Variants in HRNR observed in about 807,000 individuals in gnomAD.
HRNR encodes the protein filaggrin family member 3.
A neutral mutation model predicts 4.8 loss-of-function variants in HRNR; 7 were observed. The observed-to-expected ratio is 1.47, with a 90% CI of 0.83 to 2.75. HRNR has a LOEUF of 2.75. HRNR is among the 30% of genes most tolerant of loss of function. The pLI, the probability that HRNR is intolerant of heterozygous loss-of-function variation, is 0.00. For synonymous variants in HRNR, 1,023 were observed against 1,242.7 expected (o/e 0.82, Z 3.72); for missense variants, 2,879 against 3,010.4 (o/e 0.96, Z 1.02).
In HRNR at chr1:152,219,634, A is replaced by C. The variant is rs138421943; in HGVS notation, c.1995T>G (p.His665Gln). Residue 665 changes from histidine to glutamine, a missense_variant, in exon 3 of 3, where the codon CAT becomes CAG. His to Gln is a conservative substitution (Grantham distance 24, BLOSUM62 0). This residue lies in a region of HRNR where 2,646 missense variants were observed against 1,377.7 expected (regional missense o/e 1.92). Transcript: ENST00000368801. Reference protein sequence around the residue: ...GSGQSPSRGRHGSDFGHSSSY... With the variant: ...GSGQSPSRGRQGSDFGHSSSY... Reference sequence around the variant, plus strand: ...TGGAAGAGTGCCCAAAATCGGACCCATGTCGGCCGCGACTAGGAGACTGGC... The same window carrying C: ...TGGAAGAGTGCCCAAAATCGGACCCCTGTCGGCCGCGACTAGGAGACTGGC... The C allele has an allele frequency of 3.3e-3, 5,399 of 1,612,180 alleles. 160 individuals are homozygous for C. The African/African-American group carries it at 0.065, about 19-fold the overall frequency.
At chr1:152,222,558 G>A (rs4845425) in intron 2 of HRNR, among the ~76,000 whole-genome samples, 71,686 of 151,922 alleles carry the variant, frequency 0.47, 19,115 homozygotes, top group Non-Finnish European at 0.62. Flanking sequence ...ATGACACCAG[G>A]TTTTTGCTTT....
In HRNR at chr1:152,220,022, C is replaced by A. The variant is rs748726021; in HGVS notation, c.1607G>T (p.Gly536Val). 6.2e-7 allele frequency: 1 copy of A among 1,614,012 alleles called. No homozygotes were observed. Among genetic ancestry groups the A allele is most frequent in the Non-Finnish European group, 8.5e-7 (1 of 1,179,992 alleles). The change falls in exon 3 of 3, where the codon GGA (glycine) becomes GTA (valine). Residue 536 changes from glycine to valine, a missense_variant. This residue lies in a region of HRNR where 2,646 missense variants were observed against 1,377.7 expected (regional missense o/e 1.92). Coordinates refer to ENST00000368801, the MANE Select transcript of HRNR (RefSeq NM_001009931.3). ...GCTAGGGCTAGGAGACTGGCCAGAT[C>A]CAGACCCATGTCGGCTGTGTCCCAA... Reference protein sequence around the residue: ...QSLGHSRHGSGSGQSPSPSRG... With the variant: ...QSLGHSRHGSVSGQSPSPSRG...
In HRNR at chr1:152,220,521, G is replaced by A; in HGVS notation, c.1108C>T (p.His370Tyr). 1 of 1,612,232 alleles carries A rather than the reference G, an allele frequency of 6.2e-7. No homozygotes were observed. Among genetic ancestry groups the A allele is most frequent in the South Asian group, 1.1e-5 (1 of 90,888 alleles). Residue 370 changes from histidine (H) to tyrosine (Y), a missense_variant, in exon 3 of 3, where the codon CAC becomes TAC. By Grantham distance (83) the His-to-Tyr change is moderately conservative (BLOSUM62 2). Transcript: ENST00000368801. ...GYSKHGSGSG[H>Y]SSSQGQHGST... is the part of the protein sequence containing the mutation. ...CCATGTTGTCCCTGGCTAGAGGAGT[G>A]ACCTGAGCCAGAACCATGCTTACTA... is the stretch of plus-strand genomic sequence containing the variant.
Position 152,220,451 on chromosome 1 carries a change from C to A in HRNR, c.1178G>T (p.Ser393Ile), listed in dbSNP as rs147288664. The A allele has an allele frequency of 4.1e-5, 66 of 1,613,776 alleles. No homozygotes were observed. Among genetic ancestry groups the A allele is most frequent in the Non-Finnish European group, 5.3e-5 (62 of 1,179,948 alleles). Residue 393 changes from serine (S) to isoleucine (I), a missense_variant, in exon 3 of 3, where the codon AGC (serine) becomes ATC (isoleucine). By Grantham distance (142) the Ser-to-Ile change is moderately radical. Transcript: ENST00000368801. ...ACCATAGCTGGAAGACTGACGTGAG[C>A]TGGAGCCATGTTGGCCAGAGCTTGA... ...QASSSGQHGSSSRQSSSYGQH... is the reference protein window; with the variant it reads ...QASSSGQHGSISRQSSSYGQH...
At position 152,219,938 on chromosome 1, in the gene HRNR, C is replaced by T; in HGVS notation, c.1691G>A (p.Gly564Asp). 6.8e-6 allele frequency: 11 copies of T among 1,613,002 alleles called. No homozygotes were observed. The highest frequency in any genetic ancestry group is 9.3e-6 in the Non-Finnish European group (11 of 1,179,534). ...GCCACGGCTTGAAGACCTCCCTGAGCCATACCCATGTGGGCCATAGCTGGA... is the reference window on the plus strand; with the variant it reads ...GCCACGGCTTGAAGACCTCCCTGAGTCATACCCATGTGGGCCATAGCTGGA... ...QSSSYGPHGY[G>D]SGRSSSRGPY... Residue 564 changes from glycine (G) to aspartate (D), a missense_variant, in exon 3 of 3, where the codon GGC becomes GAC. By Grantham distance (94) the Gly-to-Asp change is moderately conservative. Around this residue, in one of 8 missense-constraint regions of HRNR, gnomAD observed 2,646 missense variants for 1,377.7 expected, o/e 1.92. Coordinates refer to ENST00000368801, the MANE Select transcript of HRNR (RefSeq NM_001009931.3).
Position 152,220,965 on chromosome 1 carries a change from C to T in HRNR, c.664G>A (p.Gly222Arg), listed in dbSNP as rs760633717. Reference sequence around the variant, plus strand: ...CCAGAAGACTGGCCTGAGCCAGACCCATGTGTGTCATTGCTGGAAGACTGT... The same window carrying T: ...CCAGAAGACTGGCCTGAGCCAGACCTATGTGTGTCATTGCTGGAAGACTGT... ...SGQSSSNDTHGSGSGQSSGFS... is the reference protein window; with the variant it reads ...SGQSSSNDTHRSGSGQSSGFS... Residue 222 changes from glycine (G) to arginine (R), a missense_variant, in exon 3 of 3, where the codon GGG becomes AGG. Gly to Arg is a moderately radical substitution (Grantham distance 125, BLOSUM62 -2). Around this residue, in one of 8 missense-constraint regions of HRNR, gnomAD observed 2,646 missense variants for 1,377.7 expected, o/e 1.92. Transcript: ENST00000368801. 1 of 1,614,190 alleles carries T rather than the reference C, an allele frequency of 6.2e-7. No individual in the cohort carries two copies. Among genetic ancestry groups the T allele is most frequent in the Non-Finnish European group, 8.5e-7 (1 of 1,180,030 alleles).
chr1:152,219,331 G>T lies in HRNR; in HGVS notation c.2298C>A (p.Gly766=), dbSNP rs753481535. Residue 766 remains glycine (G), a synonymous_variant, in exon 3 of 3, where the codon GGC becomes GGA. Coordinates refer to ENST00000368801, the MANE Select transcript of HRNR (RefSeq NM_001009931.3). ...AGTGGCCAGATCCAGACCCTTGTCG[G>T]CCGTGGCCCGAAGATTGATGGGAGC... is the stretch of plus-strand genomic sequence containing the variant. ...GSGSHQSSGH[G]RQGSGSGHSP... 2 of 1,613,756 alleles carry T rather than the reference G, an allele frequency of 1.2e-6. No homozygotes were observed. Among genetic ancestry groups the T allele is most frequent in the Admixed American group, 1.7e-5 (1 of 59,980 alleles).
chr1:152,219,797 C>T lies in HRNR; in HGVS notation c.1832G>A (p.Gly611Glu), dbSNP rs1648873402. ...GSSSGHSSTH[G>E]QHGSTSGQSS... ...CTGTCCTGATGTAGAACCATGTTGC[C>T]CATGGGTAGAGGAATGACCCGAGCT... The change falls in exon 3 of 3, where the codon GGG (glycine) becomes GAG (glutamate). Residue 611 changes from glycine to glutamate, a missense_variant. Gly to Glu is a moderately conservative substitution (Grantham distance 98). Around this residue, in one of 8 missense-constraint regions of HRNR, gnomAD observed 2,646 missense variants for 1,377.7 expected, o/e 1.92. Transcript: ENST00000368801. 1 of 1,612,110 alleles carries T rather than the reference C, an allele frequency of 6.2e-7. No homozygotes were observed. The highest frequency in any genetic ancestry group is 8.5e-7 in the Non-Finnish European group (1 of 1,178,730).
rs1010127920 is a variant in HRNR at position 152,220,399 on chromosome 1, A to C, written c.1230T>G (p.Ser410=). 2 of 1,613,930 alleles carry C rather than the reference A, an allele frequency of 1.2e-6. No individual in the cohort carries two copies. Among genetic ancestry groups the C allele is most frequent in the African/African-American group, 1.3e-5 (1 of 74,876 alleles). ...YGQHESASRH[S]SGRGQHSSGS... is the part of the protein sequence containing the mutation. ...CAGAGCTGTGTTGGCCGCGGCCTGA[A>C]GAGTGACGGGAGGCAGACTCATGCT... Residue 410 remains serine, a synonymous_variant, in exon 3 of 3, where the codon TCT becomes TCG. Coordinates refer to ENST00000368801, the MANE Select transcript of HRNR (RefSeq NM_001009931.3).
rs6587653 is a variant in HRNR, at chr1:152,221,071, G to A, written c.558C>T (p.Ser186=). The A allele has an allele frequency of 0.99, 1,600,888 of 1,614,098 alleles. 794,774 individuals are homozygous for A. Among genetic ancestry groups the A allele is most frequent in the East Asian group, 1 (44,878 of 44,878 alleles). Residue 186 remains serine, a synonymous_variant, in exon 3 of 3, where the codon TCC becomes TCT. Coordinates refer to ENST00000368801, the MANE Select transcript of HRNR (RefSeq NM_001009931.3). ...ATTGGCCGCGGCCTGAAGACTGATG[G>A]GAGTCGGAGTTTTGCTCACCATAGC... ...SSSYGEQNSD[S]HQSSGRGQCG...
intron 2 of HRNR, among the ~76,000 whole-genome samples, chr1:152,221,724 A>T (rs1649009581): frequency 6.6e-6 from 1 of 152,222 alleles, no homozygotes; most frequent in Non-Finnish European, 1.5e-5. Flanking sequence ...ATGAAAGGAA[A>T]CAAGAGGGCT....
At position 152,219,634 on chromosome 1, in the gene HRNR, A is replaced by G. The variant is rs138421943; in HGVS notation, c.1995T>C (p.His665=). The G allele has an allele frequency of 7.4e-6, 12 of 1,612,076 alleles. No individual in the cohort carries two copies. The highest frequency in any genetic ancestry group is 1.0e-5 in the Non-Finnish European group (12 of 1,178,858). The change falls in exon 3 of 3, where the codon CAT becomes CAC. Residue 665 remains histidine (H), a synonymous_variant. Transcript: ENST00000368801. ...TGGAAGAGTGCCCAAAATCGGACCC[A>G]TGTCGGCCGCGACTAGGAGACTGGC... ...GSGQSPSRGR[H]GSDFGHSSSY... is the part of the protein sequence containing the mutation.
chr1:152,220,256 C>T lies in HRNR; in HGVS notation c.1373G>A (p.Gly458Asp), dbSNP rs534438543. The stretch of plus-strand genomic sequence containing the variant: ...ACCAAAGCCAGAAGAGTAGCCTGAA[C>T]CAGACACATATGGGCCACTGCTGGA... ...RSSSSGPYVS[G>D]SGYSSGFGHH... Residue 458 changes from glycine (G) to aspartate (D), a missense_variant, in exon 3 of 3, where the codon GGT (glycine) becomes GAT (aspartate). Physicochemically the swap from Gly to Asp is moderately conservative, Grantham distance 94 (BLOSUM62 -1). Transcript: ENST00000368801. 3.1e-5 allele frequency: 50 copies of T among 1,613,786 alleles called. No homozygotes were observed. Among genetic ancestry groups the T allele is most frequent in the South Asian group, 4.4e-5 (4 of 91,078 alleles).
chr1:152,212,873 C>A lies in HRNR; in HGVS notation c.*203G>T, dbSNP rs1648437477. 1 of 669,402 alleles carries A rather than the reference C, an allele frequency of 1.5e-6. No individual in the cohort carries two copies. Among genetic ancestry groups the A allele is most frequent in the Non-Finnish European group, 2.5e-6 (1 of 405,052 alleles). 41.5% of individuals were successfully genotyped at this position (669,402 alleles called of 1,614,324 possible). ...CACTCAGTATTTTCTAACAAAGTAGCACAAATGCCTAACAGTCTTTGGAAG... is the reference window on the plus strand; with the variant it reads ...CACTCAGTATTTTCTAACAAAGTAGAACAAATGCCTAACAGTCTTTGGAAG... On this transcript the variant is annotated 3_prime_UTR_variant, in exon 3 of 3. Transcript: ENST00000368801.
At chr1:152,221,911 A>G (rs1458174121) in intron 2 of HRNR, among the ~76,000 whole-genome samples, 4 of 152,230 alleles carry the variant, frequency 2.6e-5, no homozygotes, top group Admixed American at 6.5e-5. Flanking sequence ...ATTATGTCAT[A>G]TGAGAGTATA....
chr1:152,218,747 C>G lies in HRNR; in HGVS notation c.2882G>C (p.Gly961Ala), dbSNP rs1449956291. 6.2e-7 allele frequency: 1 copy of G among 1,613,856 alleles called. No individual in the cohort carries two copies. Among genetic ancestry groups the G allele is most frequent in the Admixed American group, 1.7e-5 (1 of 59,994 alleles). The part of the protein sequence containing the change: ...SGHSSSYEQH[G>A]SRSGQSSRSE... ...CCTAGATGACTGTCCTGACCTAGAG[C>G]CGTGTTGTTCGTAGCTGGAGGAGTG... Residue 961 changes from glycine (G) to alanine (A), a missense_variant, in exon 3 of 3, where the codon GGC (glycine) becomes GCC (alanine). Gly to Ala is a moderately conservative substitution (Grantham distance 60, BLOSUM62 0). This residue lies in a region of HRNR where 2,646 missense variants were observed against 1,377.7 expected (regional missense o/e 1.92). Transcript: ENST00000368801.
rs145928737 is a variant in HRNR at position 152,220,948 on chromosome 1, C to G, written c.681G>C (p.Gln227His). ...ACTTGTGTTGACTAAAGCCAGAAGACTGGCCTGAGCCAGACCCATGTGTGT... is the reference window on the plus strand; with the variant it reads ...ACTTGTGTTGACTAAAGCCAGAAGAGTGGCCTGAGCCAGACCCATGTGTGT... ...SNDTHGSGSG[Q>H]SSGFSQHKSS... Residue 227 changes from glutamine to histidine, a missense_variant, in exon 3 of 3, where the codon CAG (glutamine) becomes CAC (histidine). By Grantham distance (24) the Gln-to-His change is conservative. This residue lies in a region of HRNR where 2,646 missense variants were observed against 1,377.7 expected (regional missense o/e 1.92). Coordinates refer to ENST00000368801, the MANE Select transcript of HRNR (RefSeq NM_001009931.3). 3.6e-5 allele frequency: 58 copies of G among 1,612,290 alleles called. No individual in the cohort carries two copies. Among genetic ancestry groups the G allele is most frequent in the Middle Eastern group, 1.6e-4 (1 of 6,084 alleles).
intron 1 of HRNR, 85 bp from the exon 2 acceptor site, chr1:152,223,363 A>C: frequency 1.3e-6 from 1 of 747,928 alleles, no homozygotes; most frequent in Non-Finnish European, 2.0e-6. Flanking sequence ...ATTTATAATA[A>C]TTGTTCAGAA....
In HRNR at chr1:152,218,942, C is replaced by T. The variant is rs775150005; in HGVS notation, c.2687G>A (p.Arg896His). The T allele has an allele frequency of 6.9e-5, 111 of 1,613,356 alleles. No homozygotes were observed. The highest frequency in any genetic ancestry group is 1.6e-4 in the East Asian group (7 of 44,836). The stretch of plus-strand genomic sequence containing the variant: ...GGGAGACTGCCCTGACCCAGACCCA[C>T]GCTGGCCGTGGCCTGGAGACTGGCC... ...GSGQSPGHGQ[R>H]GSGSGQSPSY... The change falls in exon 3 of 3, where the codon CGT (arginine) becomes CAT (histidine). Residue 896 changes from arginine to histidine, a missense_variant. By Grantham distance (29) the Arg-to-His change is conservative. Around this residue, in one of 8 missense-constraint regions of HRNR, gnomAD observed 2,646 missense variants for 1,377.7 expected, o/e 1.92. Transcript: ENST00000368801.
Sources: allele counts gnomAD v4.1 joint callset (sites outside exome capture counted in the v4.1 genomes callset), GRCh38; gene constraint gnomAD v4.1.1; regional missense constraint gnomAD v4.1.1; transcripts MANE v1.5; gene names NCBI Gene and HGNC (gene_info 2026-07-23, HGNC 2026-07-21).